POU6F2: variants seen among roughly 807,000 people sequenced by gnomAD.
The protein encoded by POU6F2 is POU class 6 homeobox 2.
Under a neutral mutation model 71.3 loss-of-function variants are expected in POU6F2, and 31 were observed. The ratio of observed to expected loss-of-function variants is 0.43; its 90% CI spans 0.33 to 0.59. The LOEUF (loss-of-function observed/expected upper bound fraction) is 0.59, where lower values mean the gene tolerates loss of function less well. Ranked by LOEUF, POU6F2 falls within the 20% of genes least tolerant of loss-of-function variation. The pLI, the probability that POU6F2 is intolerant of heterozygous loss-of-function variation, is 0.04. For synonymous variants in POU6F2, 347 were observed against 355.7 expected (o/e 0.98, Z 0.27); for missense variants, 783 against 856.8 (o/e 0.91, Z 1.07).
intron 4 of POU6F2, among the ~76,000 whole-genome samples, chr7:39,312,335 G>A (rs1785181813): frequency 6.6e-6 from 1 of 152,232 alleles, no homozygotes; most frequent in African/African-American, 2.4e-5. Flanking sequence ...GCATGCAGGT[G>A]TCAAAAGCAA....
intron 5 of POU6F2, among the ~76,000 whole-genome samples, chr7:39,365,121 C>G (rs1293183705): frequency 1.3e-5 from 2 of 152,134 alleles, no homozygotes; most frequent in Non-Finnish European, 2.9e-5. Context: ...CATCACATTA[C>G]CTGATTTCAA....
chr7:39,430,778 A>T (rs1788082132), intron 6 of POU6F2, among the ~76,000 whole-genome samples: 1 of 152,148 alleles, frequency 6.6e-6, no homozygotes, highest in South Asian at 2.1e-4. Context: ...CAGGACCCAC[A>T]GCCCTGCCCC....
chr7:39,018,985 G>A (rs1360829177), intron 1 of POU6F2, among the ~76,000 whole-genome samples: 3 of 152,078 alleles, frequency 2.0e-5, no homozygotes, highest in Non-Finnish European at 2.9e-5. Context: ...TTTCCAGGAC[G>A]ATTGCATGAC....
intron 5 of POU6F2, among the ~76,000 whole-genome samples, chr7:39,381,146 C>G (rs1477043940): frequency 6.6e-6 from 1 of 152,202 alleles, no homozygotes; most frequent in Non-Finnish European, 1.5e-5. Flanking sequence ...ACTACAACCT[C>G]TGCCCCGCCC....
chr7:39,013,061 T>G (rs1789352793), intron 1 of POU6F2: 1 of 152,300 alleles, frequency 6.6e-6, no homozygotes, highest in Non-Finnish European at 1.5e-5. Context: ...TCCACCCAGT[T>G]CGAGCTTCCC....
intron 1 of POU6F2, among the ~76,000 whole-genome samples, chr7:39,040,991 A>G (rs1015089840): frequency 3.3e-5 from 5 of 151,974 alleles, no homozygotes; most frequent in African/African-American, 4.8e-5. Flanking sequence ...GCCAATTATT[A>G]AAGGGTTGGT....
intron 1 of POU6F2, among the ~76,000 whole-genome samples, chr7:39,011,093 C>A (rs1204226887): frequency 8.3e-6 from 1 of 120,648 alleles, no homozygotes; most frequent in Non-Finnish European, 1.8e-5. Context: ...GACTTTCTGT[C>A]TCATTGATCT....
At chr7:39,061,484 A>T (rs1209570916) in intron 1 of POU6F2, among the ~76,000 whole-genome samples, 1 of 152,192 alleles carries the variant, frequency 6.6e-6, no homozygotes, top group Non-Finnish European at 1.5e-5. Flanking sequence ...CCTATTTTGC[A>T]CTTTAAATGA....
chr7:39,094,439 A>G (rs936829450), intron 2 of POU6F2, among the ~76,000 whole-genome samples: 6 of 152,148 alleles, frequency 3.9e-5, no homozygotes, highest in Non-Finnish European at 7.4e-5. Context: ...AAGGCATTTT[A>G]TTCAATAGTT....
chr7:39,444,294 C>A (rs533765730), intron 7 of POU6F2, among the ~76,000 whole-genome samples: 10 of 152,226 alleles, frequency 6.6e-5, no homozygotes, highest in African/African-American at 2.4e-4. Context: ...AGAAAAAAAC[C>A]AGATGAAGGC....
chr7:39,418,967 GTATATATGTA>G (rs1465937342), intron 6 of POU6F2, among the ~76,000 whole-genome samples: 21 of 123,754 alleles, frequency 1.7e-4, no homozygotes, highest in South Asian at 4.8e-4. Context: ...ATATATATGT[GTATATATGTA>G]TATATATGTG....
chr7:39,260,212 C>A (rs1784106156), intron 4 of POU6F2, among the ~76,000 whole-genome samples: 1 of 147,654 alleles, frequency 6.8e-6, no homozygotes, highest in South Asian at 2.2e-4. Flanking sequence ...CCACACACAC[C>A]ACACACTATA....
chr7:39,461,255 G>A lies in POU6F2; in HGVS notation c.1658+540G>A, dbSNP rs548960960. On this transcript the variant is annotated intron_variant, in intron 9 of 9. Transcript: ENST00000518318. Reference sequence around the variant, plus strand: ...AAATAAAAAATAAAAGAAAAGAAGCGGTGGCTGCTTTAAATGGCTCAGAAA... The same window carrying A: ...AAATAAAAAATAAAAGAAAAGAAGCAGTGGCTGCTTTAAATGGCTCAGAAA... Among the ~76,000 whole-genome samples the A allele has an allele frequency of 1.1e-3, 162 of 152,230 alleles. 1 individual carries two copies. The highest frequency in any genetic ancestry group is 3.9e-3 in the African/African-American group (160 of 41,518).
intron 1 of POU6F2, among the ~76,000 whole-genome samples, chr7:39,071,149 G>A (rs549232521): frequency 6.6e-6 from 1 of 152,198 alleles, no homozygotes; most frequent in East Asian, 1.9e-4. Context: ...TGGGAGCCCT[G>A]AGCTTGTTTT....
At chr7:39,261,604 G>A (rs10279204) in intron 4 of POU6F2, among the ~76,000 whole-genome samples, 138,000 of 152,262 alleles carry the variant, frequency 0.91, 62,606 homozygotes, top group Middle Eastern at 0.96. Flanking sequence ...ATGTTTACGT[G>A]CCTTGTTCAA....
chr7:39,240,920 A>G (rs1783714227), intron 4 of POU6F2, among the ~76,000 whole-genome samples: 1 of 152,124 alleles, frequency 6.6e-6, no homozygotes. Context: ...TTATTGGCTC[A>G]TTTATTGGCA....
intron 7 of POU6F2, among the ~76,000 whole-genome samples, chr7:39,440,896 A>T (rs921877924): frequency 2.3e-5 from 3 of 129,434 alleles, no homozygotes; most frequent in Non-Finnish European, 1.7e-5. Flanking sequence ...GATGATGATG[A>T]TGTTGTTGTT....
At chr7:39,420,598 A>G (rs1274559714) in intron 6 of POU6F2, among the ~76,000 whole-genome samples, 1 of 152,178 alleles carries the variant, frequency 6.6e-6, no homozygotes, top group Non-Finnish European at 1.5e-5. Flanking sequence ...TACTACAAAC[A>G]TTGCTTAAAA....
In POU6F2 at chr7:39,347,959, A is replaced by AT. The variant is rs375605997; in HGVS notation, c.972+7951dup. On this transcript the variant is annotated intron_variant, in intron 5 of 9. Transcript: ENST00000518318. ...TCAATATTATTATTAAGAATGAAGA[A>AT]TTTTTTTATTATACTTGATATAGGA... Among the ~76,000 whole-genome samples the AT allele has an allele frequency of 1.8e-3, 254 of 143,686 alleles. 19 individuals carry two copies. The highest frequency in any genetic ancestry group is 5.9e-3 in the African/African-American group (237 of 40,218). 94.3% of individuals were successfully genotyped at this position (143,686 alleles called of 152,430 possible).
Sources: allele counts gnomAD v4.1 joint callset (sites outside exome capture counted in the v4.1 genomes callset), GRCh38; gene constraint gnomAD v4.1.1; transcripts MANE v1.5; gene names NCBI Gene and HGNC (gene_info 2026-07-23, HGNC 2026-07-21).